The following ATP11A variants were observed in gnomAD, a reference collection of about 807,000 sequenced individuals.
ATP11A encodes the protein phospholipid-transporting ATPase IH.
ATP11A carries 81 observed loss-of-function variants against 154.4 expected under a neutral mutation model. That is an observed-to-expected ratio of 0.52 (90% CI 0.44 to 0.63). ATP11A has a LOEUF of 0.63. Ranked by LOEUF, ATP11A falls within the 30% of genes least tolerant of loss-of-function variation. The pLI, the probability that ATP11A is intolerant of heterozygous loss-of-function variation, is 0.00. For missense variants in ATP11A, 1,316 were observed against 1,474.3 expected (o/e 0.89, Z 1.76); for synonymous variants, 623 against 585.9 (o/e 1.06, Z -0.91).
intron 4 of ATP11A, among the ~76,000 whole-genome samples, chr13:112,810,044 G>A (rs1030829937): frequency 1.3e-5 from 2 of 152,222 alleles, no homozygotes; most frequent in Non-Finnish European, 2.9e-5. Context: ...ATGCGGAAAC[G>A]CACAGAGAGC....
intron 1 of ATP11A, among the ~76,000 whole-genome samples, chr13:112,728,257 C>T (rs1566391448): frequency 1.3e-5 from 2 of 152,340 alleles, no homozygotes; most frequent in East Asian, 3.9e-4. Context: ...CCATGCGGCC[C>T]ACCTCCCTGT....
At chr13:112,725,765 G>A (rs1889785801) in intron 1 of ATP11A, among the ~76,000 whole-genome samples, 1 of 152,242 alleles carries the variant, frequency 6.6e-6, no homozygotes, top group African/African-American at 2.4e-5. Flanking sequence ...GGATGACTAA[G>A]GACAACGTCC....
Position 112,886,039 on chromosome 13 carries a change from C to G in ATP11A, c.*4173C>G, listed in dbSNP as rs1164600831. ...CACAGCAGGACTGGCCACACCCACGCCGCACCTCATCCGTGCACGCGTCGG... is the reference window on the plus strand; with the variant it reads ...CACAGCAGGACTGGCCACACCCACGGCGCACCTCATCCGTGCACGCGTCGG... On this transcript the variant is annotated 3_prime_UTR_variant, in exon 30 of 30. Transcript: ENST00000375645. 1 of 152,344 alleles carries G rather than the reference C, an allele frequency of 6.6e-6. No homozygotes were observed. The highest frequency in any genetic ancestry group is 1.5e-5 in the Non-Finnish European group (1 of 68,114). The allele number at this position is 152,344 out of a possible 1,614,324, so 9.4% of individuals were successfully genotyped here.
In ATP11A at chr13:112,875,703, C is replaced by T. The variant is rs2080700522; in HGVS notation, c.3162-73C>T. 1 of 1,519,780 alleles carries T rather than the reference C, an allele frequency of 6.6e-7. No individual in the cohort carries two copies. Among genetic ancestry groups the T allele is most frequent in the South Asian group, 1.2e-5 (1 of 81,874 alleles). 94.1% of individuals were successfully genotyped at this position (1,519,780 alleles called of 1,614,324 possible). ...AGTGTAAACTCCCTGAACAGACGGC[C>T]TCTCCAGTGAGTAGAGAGGCCAGCC... is the stretch of plus-strand genomic sequence containing the variant. On this transcript the variant is annotated intron_variant, in intron 27 of 29. Transcript: ENST00000375645. The surrounding 1 kb of genome is among the most constrained non-coding windows in gnomAD (Gnocchi z 4.1).
chr13:112,878,387 C>A (rs2080793255), intron 29 of ATP11A, 84 bp downstream of exon 29: 2 of 1,448,426 alleles, frequency 1.4e-6, no homozygotes, highest in Non-Finnish European at 1.9e-6. Flanking sequence ...CCTGAGTCCA[C>A]GTGCTCTGAC....
intron 1 of ATP11A, among the ~76,000 whole-genome samples, chr13:112,702,359 A>AAAG (rs1457870646): frequency 2.6e-5 from 4 of 151,252 alleles, no homozygotes; most frequent in East Asian, 3.9e-4. Context: ...AAAAAAAAAA[A>AAAG]AAAGAAACCA....
At chr13:112,766,216 C>T (rs1410681410) in intron 1 of ATP11A, among the ~76,000 whole-genome samples, 8 of 148,938 alleles carry the variant, frequency 5.4e-5, no homozygotes, top group South Asian at 2.1e-4. Context: ...CATGCAAGGT[C>T]GTCCAACCTG....
chr13:112,699,423 G>A (rs564448278), intron 1 of ATP11A, among the ~76,000 whole-genome samples: 1 of 152,302 alleles, frequency 6.6e-6, no homozygotes, highest in South Asian at 2.1e-4. Context: ...GATAAAATAA[G>A]TCACTTTTTC....
intron 2 of ATP11A, among the ~76,000 whole-genome samples, chr13:112,802,425 C>CCACCCAGATAGTCAACCCATT (rs200183834): frequency 0.017 from 2,594 of 151,812 alleles, 80 homozygotes; most frequent in African/African-American, 0.06. Flanking sequence ...CCCAGTAAAT[C>CCACCCAGATAGTCAACCCATT]CACCCAGATA....
intron 1 of ATP11A, among the ~76,000 whole-genome samples, chr13:112,762,079 G>C (rs2076976314): frequency 6.6e-6 from 1 of 152,168 alleles, no homozygotes. Flanking sequence ...CTGTTATCAA[G>C]GCATTGTAAC....
chr13:112,792,439 C>T (rs2077886094), intron 2 of ATP11A, among the ~76,000 whole-genome samples: 1 of 151,942 alleles, frequency 6.6e-6, no homozygotes, highest in Non-Finnish European at 1.5e-5. Flanking sequence ...TGATTTCTAC[C>T]TAAAAAAAAG....
In ATP11A at chr13:112,806,277, T is replaced by G. The variant is rs768726190; in HGVS notation, c.317T>G (p.Val106Gly). 2 of 1,613,266 alleles carry G rather than the reference T, an allele frequency of 1.2e-6. No homozygotes were observed. Among genetic ancestry groups the G allele is most frequent in the Non-Finnish European group, 1.7e-6 (2 of 1,179,478 alleles). The part of the protein sequence containing the change: ...SGLPLFFVIT[V>G]TAIKQGYEDW... ...CTTCCACTCTTCTTTGTCATTACTG[T>G]GACGGCTATCAAACAGGTAAGCATT... is the stretch of plus-strand genomic sequence containing the variant. Residue 106 changes from valine to glycine, a missense_variant, in exon 4 of 30, where the codon GTG becomes GGG. Around this residue, in one of 5 missense-constraint regions of ATP11A, gnomAD observed 876 missense variants for 1,006.8 expected, o/e 0.87. Coordinates refer to ENST00000375645, the MANE Select transcript of ATP11A (RefSeq NM_015205.3).
At chr13:112,741,375 G>A (rs186406873) in intron 1 of ATP11A, among the ~76,000 whole-genome samples, 1 of 151,770 alleles carries the variant, frequency 6.6e-6, no homozygotes, top group Admixed American at 6.5e-5. Context: ...GGCAGAAGCT[G>A]TAGTCGGGAG....
intron 2 of ATP11A, among the ~76,000 whole-genome samples, chr13:112,788,053 C>A (rs1203328122): frequency 1.3e-5 from 2 of 150,404 alleles, no homozygotes; most frequent in South Asian, 2.1e-4. Context: ...GATGTGTAGA[C>A]CCCTGTGGAT....
At chr13:112,852,791 G>C (rs557564054) in intron 18 of ATP11A, among the ~76,000 whole-genome samples, 19 of 147,060 alleles carry the variant, frequency 1.3e-4, no homozygotes, top group African/African-American at 4.4e-4. Context: ...TTGGCGGGGG[G>C]GGATCTCAGT....
Position 112,886,111 on chromosome 13 carries a change from C to T in ATP11A, c.*4245C>T, listed in dbSNP as rs3742238. 0.18 allele frequency: 26,856 copies of T among 152,336 alleles called. 2,647 individuals carry two copies. The highest frequency in any genetic ancestry group is 0.25 in the South Asian group (1,229 of 4,824). 9.4% of individuals were successfully genotyped at this position (152,336 alleles called of 1,614,324 possible). On this transcript the variant is annotated 3_prime_UTR_variant, in exon 30 of 30. Transcript: ENST00000375645. ...CGAGCCAGCTGGGAAGGGCCGCGGCCGCCTAAAGCCCCAGTCAACCCAGCC... is the reference window on the plus strand; with the variant it reads ...CGAGCCAGCTGGGAAGGGCCGCGGCTGCCTAAAGCCCCAGTCAACCCAGCC...
At chr13:112,728,048 C>T (rs1486033890) in intron 1 of ATP11A, among the ~76,000 whole-genome samples, 1 of 152,194 alleles carries the variant, frequency 6.6e-6, no homozygotes, top group Non-Finnish European at 1.5e-5. Flanking sequence ...CTGAAAAGGG[C>T]AGATAGTGAA....
intron 25 of ATP11A, among the ~76,000 whole-genome samples, chr13:112,868,110 C>T (rs985123182): frequency 6.6e-6 from 1 of 152,200 alleles, no homozygotes; most frequent in African/African-American, 2.4e-5. Flanking sequence ...AATGAGAATG[C>T]GAAGACAACA....
rs908287319 is a variant in ATP11A, at chr13:112,690,480, G to A, written c.39+25G>A. On this transcript the variant is annotated intron_variant, in intron 1 of 29. Coordinates refer to ENST00000375645, the MANE Select transcript of ATP11A (RefSeq NM_015205.3). The surrounding 1 kb of genome is among the most constrained non-coding windows in gnomAD (Gnocchi z 5.6). ...CGTGAGTGCTCCCGGCGCGGGCTGG[G>A]GGACCCGGGGACCAGACAGACGCGG... 5 of 1,325,124 alleles carry A rather than the reference G, an allele frequency of 3.8e-6. No individual in the cohort carries two copies. The African/African-American group carries it at 6.0e-5, about 16-fold the overall frequency. The allele number at this position is 1,325,124 out of a possible 1,614,324, so 82.1% of individuals were successfully genotyped here. A position where few individuals can be genotyped will look rare whatever the true frequency, so the allele number is the denominator to read the frequency against.
Sources: gnomAD v4.1 joint callset for allele counts (sites outside exome capture counted in the v4.1 genomes callset) on GRCh38, gnomAD v4.1.1 for gene constraint, gnomAD v4.1.1 regional missense constraint, Gnocchi (gnomAD v3.1) non-coding constraint, MANE v1.5 for transcripts, NCBI Gene and HGNC (gene_info 2026-07-23, HGNC 2026-07-21) for gene names.